ILKAP: variants seen among roughly 807,000 people sequenced by gnomAD.
ILKAP encodes integrin-linked kinase-associated serine/threonine phosphatase 2C.
ILKAP carries 11 observed loss-of-function variants against 49.1 expected under a neutral mutation model. The observed-to-expected ratio is 0.22, with a 90% CI of 0.14 to 0.37. ILKAP has a LOEUF of 0.37. Among genes scored for constraint, ILKAP ranks in the 10% least tolerant of loss-of-function variants. ILKAP has a pLI of 1.00. For missense variants in ILKAP, 363 were observed against 510.8 expected (o/e 0.71, Z 2.79); for synonymous variants, 186 against 192.8 (o/e 0.96, Z 0.29).
At chr2:238,183,764 ACAGTCACCAC>A in intron 7 of ILKAP, 24 bp from the exon 8 acceptor site, 1 of 1,561,466 alleles carries the variant, frequency 6.4e-7, no homozygotes, top group Non-Finnish European at 8.8e-7. Context: ...CATCAGAAAC[ACAGTCACCAC>A]CAATAGCCCA....
At chr2:238,181,996 G>C (rs1693713749) in intron 9 of ILKAP, 69 bp downstream of exon 9, 1 of 1,565,810 alleles carries the variant, frequency 6.4e-7, no homozygotes, top group Middle Eastern at 1.9e-4. Context: ...TCTACTCCTT[G>C]AAGGTCTCGG....
chr2:238,170,428 T>C lies in ILKAP; in HGVS notation c.*108A>G. 1 of 1,242,252 alleles carries C rather than the reference T, an allele frequency of 8.0e-7. No individual in the cohort carries two copies. The highest frequency in any genetic ancestry group is 1.1e-6 in the Non-Finnish European group (1 of 899,308). 77.0% of individuals were successfully genotyped at this position (1,242,252 alleles called of 1,614,324 possible). On this transcript the variant is annotated 3_prime_UTR_variant, in exon 12 of 12. Coordinates refer to ENST00000254654, the MANE Select transcript of ILKAP (RefSeq NM_030768.3). ...AGGAAAAAAAAAGAGAAACCTTTATTTACAACCATGGGAGTCCCACAGGAG... is the reference window on the plus strand; with the variant it reads ...AGGAAAAAAAAAGAGAAACCTTTATCTACAACCATGGGAGTCCCACAGGAG...
intron 5 of ILKAP, among the ~76,000 whole-genome samples, chr2:238,187,580 T>C (rs1306917085): frequency 6.6e-6 from 1 of 152,240 alleles, no homozygotes; most frequent in East Asian, 1.9e-4. Flanking sequence ...TTTCATTGTC[T>C]GTCTTTTCCT....
At chr2:238,195,968 A>G (rs1694324543) in intron 1 of ILKAP, among the ~76,000 whole-genome samples, 1 of 131,824 alleles carries the variant, frequency 7.6e-6, no homozygotes, top group Admixed American at 8.3e-5. Context: ...ACCTGAGCCC[A>G]GGGAGGCCAA....
At chr2:238,175,145 T>G (rs1693394071) in intron 9 of ILKAP, among the ~76,000 whole-genome samples, 1 of 151,132 alleles carries the variant, frequency 6.6e-6, no homozygotes, top group Non-Finnish European at 1.5e-5. Flanking sequence ...AGAGACAGGG[T>G]CTCCCTCTGT....
At chr2:238,190,294 CTTAGTG>C (rs1694068272) in intron 3 of ILKAP, among the ~76,000 whole-genome samples, 1 of 152,102 alleles carries the variant, frequency 6.6e-6, no homozygotes, top group African/African-American at 2.4e-5. Context: ...TCCACAGGCT[CTTAGTG>C]TTAAACAAAC....
chr2:238,185,827 G>T (rs1157830201), intron 5 of ILKAP: 1 of 152,692 alleles, frequency 6.5e-6, no homozygotes, highest in Non-Finnish European at 1.5e-5. Flanking sequence ...CAAAAACACT[G>T]TGTGTGTGTA....
intron 1 of ILKAP, among the ~76,000 whole-genome samples, chr2:238,200,390 T>C (rs1160541855): frequency 6.6e-6 from 1 of 152,150 alleles, no homozygotes; most frequent in African/African-American, 2.4e-5. Flanking sequence ...GATGCAACGT[T>C]TAAAACAAAA....
At chr2:238,194,086 C>T (rs1432501497) in intron 3 of ILKAP, among the ~76,000 whole-genome samples, 189 bp downstream of exon 3, 2 of 152,150 alleles carry the variant, frequency 1.3e-5, no homozygotes, top group East Asian at 3.8e-4. Flanking sequence ...GTTAATATCA[C>T]CAGAAAGTGA....
intron 1 of ILKAP, among the ~76,000 whole-genome samples, chr2:238,202,513 T>G (rs1405347149): frequency 6.6e-6 from 1 of 152,250 alleles, no homozygotes; most frequent in African/African-American, 2.4e-5. Context: ...CCCCGCTGGG[T>G]TGGCCTGGGG....
At chr2:238,183,446 G>A (rs1376302595) in intron 8 of ILKAP, among the ~76,000 whole-genome samples, 10 of 152,136 alleles carry the variant, frequency 6.6e-5, no homozygotes, top group East Asian at 1.9e-4. Flanking sequence ...ATCATAGGGC[G>A]TAAGTTCCCC....
At chr2:238,194,967 G>T in intron 1 of ILKAP, 97 bp from the exon 2 acceptor site, 2 of 921,130 alleles carry the variant, frequency 2.2e-6, no homozygotes, top group Non-Finnish European at 3.5e-6. Flanking sequence ...TTTGACACAA[G>T]TTTGCTATTA....
intron 5 of ILKAP, chr2:238,186,073 C>T (rs965398565): frequency 1.3e-5 from 2 of 152,132 alleles, no homozygotes; most frequent in East Asian, 3.8e-4. Context: ...AGTTATTTAT[C>T]GAAAACAGTA....
intron 1 of ILKAP, 27 bp from the exon 2 acceptor site, chr2:238,194,897 A>G: frequency 6.4e-7 from 1 of 1,552,642 alleles, no homozygotes; most frequent in Non-Finnish European, 8.9e-7. Flanking sequence ...CTGTTTAGAG[A>G]GCATATGGTC....
At position 238,197,992 on chromosome 2, in the gene ILKAP, C is replaced by T. The variant is rs570890714; in HGVS notation, c.56-3122G>A. On this transcript the variant is annotated intron_variant, in intron 1 of 11. Transcript: ENST00000254654. ...AGTGGGGATTCAAAGCCATGCAGTC[C>T]GTGCTTTTAGTGAGGTACTATGCTG... is the stretch of plus-strand genomic sequence containing the variant. Among the ~76,000 whole-genome samples the T allele has an allele frequency of 1.5e-3, 222 of 152,222 alleles. 1 individual carries two copies. Among genetic ancestry groups the T allele is most frequent in the African/African-American group, 5.2e-3 (214 of 41,532 alleles).
Position 238,182,056 on chromosome 2 carries a change from C to T in ILKAP, c.836+9G>A, listed in dbSNP as rs779346608. The T allele has an allele frequency of 3.1e-6, 5 of 1,612,676 alleles. No individual in the cohort carries two copies. The highest frequency in any genetic ancestry group is 4.2e-6 in the Non-Finnish European group (5 of 1,179,058). ...CCTTCCCATGAGCTCCTCTCAGTCC[C>T]TTGGTTACCTGACGTTTCCTCCAGC... On this transcript the variant is annotated intron_variant, in intron 9 of 11. Transcript: ENST00000254654.
At chr2:238,198,793 C>T (rs1694450432) in intron 1 of ILKAP, among the ~76,000 whole-genome samples, 1 of 151,896 alleles carries the variant, frequency 6.6e-6, no homozygotes, top group African/African-American at 2.4e-5. Flanking sequence ...GAGAAAAATA[C>T]CCTTGGGTTG....
intron 1 of ILKAP, among the ~76,000 whole-genome samples, chr2:238,198,836 T>C (rs1694452660): frequency 6.6e-6 from 1 of 152,158 alleles, no homozygotes; most frequent in Admixed American, 6.5e-5. Flanking sequence ...CTGTATCCAA[T>C]AAAGTTAAAA....
chr2:238,192,326 G>A (rs1423491165), intron 3 of ILKAP, among the ~76,000 whole-genome samples: 1 of 152,222 alleles, frequency 6.6e-6, no homozygotes, highest in African/African-American at 2.4e-5. Context: ...AATGTAGTCT[G>A]TACAAGAAAC....
Sources: allele counts gnomAD v4.1 joint callset (sites outside exome capture counted in the v4.1 genomes callset), GRCh38; gene constraint gnomAD v4.1.1; transcripts MANE v1.5; gene names NCBI Gene and HGNC (gene_info 2026-07-23, HGNC 2026-07-21).